Variants in GRAMD2B observed in about 807,000 individuals in gnomAD.
The protein encoded by GRAMD2B is GRAM domain containing 2B.
Under a neutral mutation model 59.2 loss-of-function variants are expected in GRAMD2B, and 41 were observed. That is an observed-to-expected ratio of 0.69 (90% CI 0.54 to 0.90). GRAMD2B has a LOEUF of 0.90. GRAMD2B is among the 40% of genes least tolerant of loss of function. The pLI is 0.00. For missense variants in GRAMD2B, 424 were observed against 500.5 expected, an observed-to-expected ratio of 0.85 and a Z score of 1.46; for synonymous variants, 161 against 182.7, an observed-to-expected ratio of 0.88 and a Z score of 0.96.
At chr5:126,396,636 C>G (rs112594109) in intron 1 of GRAMD2B, among the ~76,000 whole-genome samples, 1 of 152,156 alleles carries the variant, frequency 6.6e-6, no homozygotes, top group African/African-American at 2.4e-5. Context: ...CTGCAATGAA[C>G]ATACATGTGC....
intron 2 of GRAMD2B, among the ~76,000 whole-genome samples, chr5:126,466,065 TTTGGTAGAGACTAAAG>T (rs1341968728): frequency 6.6e-6 from 1 of 152,128 alleles, no homozygotes; most frequent in African/African-American, 2.4e-5. Context: ...CCAACTACCA[TTTGGTAGAGACTAAAG>T]TTGGTAGAGA....
chr5:126,472,163 T>G, intron 3 of GRAMD2B, 75 bp from the exon 4 acceptor site: 1 of 1,155,228 alleles, frequency 8.7e-7, no homozygotes, highest in South Asian at 1.3e-5. Flanking sequence ...AGGGAAAATT[T>G]GTTGTTGAAG....
At chr5:126,414,575 A>G (rs1759101993) in intron 1 of GRAMD2B, among the ~76,000 whole-genome samples, 4 of 152,010 alleles carry the variant, frequency 2.6e-5, no homozygotes, top group Admixed American at 2.6e-4. Context: ...TGATCCTCCT[A>G]TCTCAGCCTC....
chr5:126,461,376 T>G (rs1767330067), intron 1 of GRAMD2B, among the ~76,000 whole-genome samples: 1 of 152,246 alleles, frequency 6.6e-6, no homozygotes, highest in African/African-American at 2.4e-5. Context: ...ATCAAACTAA[T>G]GATGTCTGGG....
intron 1 of GRAMD2B, among the ~76,000 whole-genome samples, chr5:126,458,396 C>T (rs997542038): frequency 1.3e-5 from 2 of 151,634 alleles, no homozygotes; most frequent in Non-Finnish European, 2.9e-5. Flanking sequence ...GATTGCGTTA[C>T]TGCACTGCAC....
chr5:126,396,582 T>C (rs571695341), intron 1 of GRAMD2B, among the ~76,000 whole-genome samples: 2 of 152,362 alleles, frequency 1.3e-5, no homozygotes, highest in South Asian at 4.1e-4. Context: ...TTATTGTTGA[T>C]GGGCATTTAT....
chr5:126,396,243 TG>T (rs1757350652), intron 1 of GRAMD2B, among the ~76,000 whole-genome samples: 1 of 152,146 alleles, frequency 6.6e-6, no homozygotes, highest in South Asian at 2.1e-4. Context: ...ACCTATGACA[TG>T]GGGGTTTGTT....
intron 1 of GRAMD2B, among the ~76,000 whole-genome samples, chr5:126,456,543 G>C (rs1464670228): frequency 6.6e-6 from 1 of 152,092 alleles, no homozygotes; most frequent in East Asian, 1.9e-4. Context: ...TTTTAGTGTA[G>C]TGGTTACTTC....
Position 126,371,585 on chromosome 5 carries a change from C to T in GRAMD2B, c.125+18C>T, listed in dbSNP as rs751744556. The T allele has an allele frequency of 1.0e-5, 13 of 1,279,226 alleles. No individual in the cohort carries two copies. In the South Asian group the frequency reaches 1.6e-4, roughly 16 times the overall value. 79.2% of individuals were successfully genotyped at this position (1,279,226 alleles called of 1,614,324 possible). On this transcript the variant is annotated intron_variant, in intron 1 of 8. Transcript: ENST00000506445. Reference sequence around the variant, plus strand: ...TTCCTCAGGTGGGTACAGCCTGGGCCTGGCCATCCACGTCTGTCCCCCTGG... The same window carrying T: ...TTCCTCAGGTGGGTACAGCCTGGGCTTGGCCATCCACGTCTGTCCCCCTGG...
intron 1 of GRAMD2B, among the ~76,000 whole-genome samples, chr5:126,384,031 A>G (rs904656926): frequency 4.6e-5 from 7 of 152,286 alleles, no homozygotes; most frequent in Admixed American, 1.3e-4. Flanking sequence ...ATATTTACTC[A>G]TCACCCAGAG....
intron 1 of GRAMD2B, among the ~76,000 whole-genome samples, chr5:126,461,013 G>T (rs375758956): frequency 5.9e-5 from 9 of 151,956 alleles, no homozygotes; most frequent in African/African-American, 2.2e-4. Flanking sequence ...TTTTTTTTAT[G>T]CCTTTAGCTT....
intron 1 of GRAMD2B, chr5:126,465,126 C>T (rs972264660): frequency 8.2e-7 from 1 of 1,220,982 alleles, no homozygotes; most frequent in African/African-American, 1.5e-5. Context: ...TCCAGGTGAT[C>T]TGCTGCCCCA....
At chr5:126,443,896 C>G in intron 1 of GRAMD2B, among the ~76,000 whole-genome samples, 1 of 151,850 alleles carries the variant, frequency 6.6e-6, no homozygotes. Flanking sequence ...CTAAAAAATA[C>G]CAAAAATTAG....
intron 1 of GRAMD2B, among the ~76,000 whole-genome samples, chr5:126,430,813 G>A (rs1220221142): frequency 6.6e-6 from 1 of 152,184 alleles, no homozygotes; most frequent in Non-Finnish European, 1.5e-5. Context: ...TTGACTAAGT[G>A]ACATTCATAC....
At chr5:126,483,622 C>T (rs200297958) in intron 9 of GRAMD2B, 48 bp downstream of exon 9, 2 of 935,980 alleles carry the variant, frequency 2.1e-6, no homozygotes, top group Non-Finnish European at 3.4e-6. Context: ...CCCCTCAAAA[C>T]ATCCTCACCC....
At chr5:126,386,172 T>C (rs1215551577) in intron 1 of GRAMD2B, among the ~76,000 whole-genome samples, 1 of 152,222 alleles carries the variant, frequency 6.6e-6, no homozygotes, top group African/African-American at 2.4e-5. Context: ...GTAGTGACTC[T>C]TGTAATACAT....
Position 126,493,074 on chromosome 5 carries a change from A to G in GRAMD2B, c.*118A>G. On this transcript the variant is annotated 3_prime_UTR_variant, in exon 14 of 14. Transcript: ENST00000285689. ...CAGAGGTGCAAGCAGATGAGAATCCAGACATTGCATGTGGAGGTCTCCAGC... is the reference window on the plus strand; with the variant it reads ...CAGAGGTGCAAGCAGATGAGAATCCGGACATTGCATGTGGAGGTCTCCAGC... 1 of 725,074 alleles carries G rather than the reference A, an allele frequency of 1.4e-6. No homozygotes were observed. Among genetic ancestry groups the G allele is most frequent in the Non-Finnish European group, 2.4e-6 (1 of 411,650 alleles). 44.9% of individuals were successfully genotyped at this position (725,074 alleles called of 1,614,324 possible). A position where few individuals can be genotyped will look rare whatever the true frequency, so the allele number is the denominator to read the frequency against.
intron 1 of GRAMD2B, among the ~76,000 whole-genome samples, chr5:126,408,194 A>G (rs1228927642): frequency 6.6e-6 from 1 of 152,016 alleles, no homozygotes. Context: ...AAGTGAAAAC[A>G]TGTGATATTT....
chr5:126,425,431 C>T (rs1416268704), intron 1 of GRAMD2B, among the ~76,000 whole-genome samples: 1 of 152,148 alleles, frequency 6.6e-6, no homozygotes, highest in African/African-American at 2.4e-5. Context: ...AATAGAAAAA[C>T]AAACACTGCA....
Sources: allele counts gnomAD v4.1 joint callset (sites outside exome capture counted in the v4.1 genomes callset), GRCh38; gene constraint gnomAD v4.1.1; transcripts MANE v1.5; gene names NCBI Gene and HGNC (gene_info 2026-07-23, HGNC 2026-07-21).